Variants in DOCK3 observed in about 807,000 individuals in gnomAD.
DOCK3 encodes the protein dedicator of cytokinesis 3.
A neutral mutation model predicts 265.6 loss-of-function variants in DOCK3; 60 were observed. That is an observed-to-expected ratio of 0.23 (90% confidence interval 0.18 to 0.28). DOCK3 has a LOEUF of 0.28. DOCK3 is among the 10% of genes least tolerant of loss of function. DOCK3 has a pLI of 1.00. For synonymous variants in DOCK3, 881 were observed against 938.0 expected, an observed-to-expected ratio of 0.94 and a Z score of 1.11; for missense variants, 1,981 against 2,594.3, an observed-to-expected ratio of 0.76 and a Z score of 5.14.
intron 5 of DOCK3, among the ~76,000 whole-genome samples, chr3:50,979,516 C>T (rs1206714105): frequency 2.6e-5 from 4 of 152,120 alleles, no homozygotes; most frequent in African/African-American, 4.8e-5. Flanking sequence ...TCCTCCCCTC[C>T]TGCTCTCTTG....
intron 9 of DOCK3, among the ~76,000 whole-genome samples, chr3:51,128,488 C>T (rs2084364961): frequency 6.6e-6 from 1 of 152,214 alleles, no homozygotes; most frequent in Non-Finnish European, 1.5e-5. Flanking sequence ...CACTGCCACA[C>T]TTCTTTAGCC....
chr3:51,232,350 C>G (rs138048616), intron 19 of DOCK3, among the ~76,000 whole-genome samples: 183 of 152,256 alleles, frequency 1.2e-3, no homozygotes, highest in African/African-American at 3.4e-3. Flanking sequence ...GTGCGTGTAT[C>G]TTTTTCATGT....
chr3:50,936,434 A>AT (rs2051365706), intron 5 of DOCK3, among the ~76,000 whole-genome samples: 1 of 151,890 alleles, frequency 6.6e-6, no homozygotes, highest in Non-Finnish European at 1.5e-5. Context: ...TTGGCGGAAG[A>AT]CATAAGTGTT....
chr3:51,272,188 TA>T (rs2080538935), intron 24 of DOCK3, among the ~76,000 whole-genome samples: 1 of 152,188 alleles, frequency 6.6e-6, no homozygotes, highest in Non-Finnish European at 1.5e-5. Context: ...TGTGCTAGGA[TA>T]AACTTCTGAG....
At chr3:50,718,965 T>C (rs2037302784) in intron 1 of DOCK3, among the ~76,000 whole-genome samples, 1 of 151,820 alleles carries the variant, frequency 6.6e-6, no homozygotes, top group Non-Finnish European at 1.5e-5. Context: ...TTGTATTTTT[T>C]AGTAGTGACG....
chr3:51,052,281 G>A (rs544436285), intron 5 of DOCK3, among the ~76,000 whole-genome samples: 2 of 152,120 alleles, frequency 1.3e-5, no homozygotes, highest in Non-Finnish European at 2.9e-5. Flanking sequence ...CAAGGTGGGT[G>A]GATCGCTTGA....
At chr3:51,015,044 T>C (rs975933737) in intron 5 of DOCK3, among the ~76,000 whole-genome samples, 5 of 152,114 alleles carry the variant, frequency 3.3e-5, no homozygotes, top group African/African-American at 1.2e-4. Flanking sequence ...GTGGAGTTTT[T>C]AGGTTTTTCT....
At chr3:50,836,994 A>G (rs886339819) in intron 2 of DOCK3, among the ~76,000 whole-genome samples, 5 of 152,138 alleles carry the variant, frequency 3.3e-5, no homozygotes, top group African/African-American at 1.2e-4. Flanking sequence ...TCCATCTGAG[A>G]CCACCTCAGC....
At chr3:50,872,097 T>C (rs1358520787) in intron 3 of DOCK3, among the ~76,000 whole-genome samples, 5 of 152,232 alleles carry the variant, frequency 3.3e-5, no homozygotes, top group Non-Finnish European at 7.3e-5. Flanking sequence ...TTGATACTTG[T>C]AGAGTTTTGT....
intron 5 of DOCK3, among the ~76,000 whole-genome samples, chr3:51,053,079 A>G (rs2081054267): frequency 1.1e-4 from 1 of 8,998 alleles, no homozygotes; most frequent in South Asian, 3.9e-3. Flanking sequence ...AAAGTCAAAG[A>G]TATATATATA....
At chr3:51,160,223 G>A (rs1405020832) in intron 11 of DOCK3, among the ~76,000 whole-genome samples, 1 of 152,190 alleles carries the variant, frequency 6.6e-6, no homozygotes, top group Non-Finnish European at 1.5e-5. Flanking sequence ...ACATACCTGA[G>A]AAGTTTAAAT....
chr3:50,846,253 G>A (rs2046076834), intron 3 of DOCK3, among the ~76,000 whole-genome samples: 1 of 152,208 alleles, frequency 6.6e-6, no homozygotes, highest in Non-Finnish European at 1.5e-5. Context: ...TTCAGGTACT[G>A]TGGAGTAGAA....
intron 4 of DOCK3, among the ~76,000 whole-genome samples, chr3:50,924,714 A>G (rs2050672282): frequency 6.6e-6 from 1 of 152,220 alleles, no homozygotes; most frequent in African/African-American, 2.4e-5. Flanking sequence ...GTCAGTTCTG[A>G]TTCAGCAGTT....
rs774176659 is a variant in DOCK3, at chr3:51,383,638, TC to T, written c.*2082del. The T allele has an allele frequency of 1.1e-3, 169 of 152,504 alleles. No individual in the cohort carries two copies. The highest frequency in any genetic ancestry group is 0.01 in the Middle Eastern group (3 of 294). 9.4% of individuals were successfully genotyped at this position (152,504 alleles called of 1,614,324 possible). On this transcript the variant is annotated 3_prime_UTR_variant, in exon 53 of 53. Coordinates refer to ENST00000266037, the MANE Select transcript of DOCK3 (RefSeq NM_004947.5). ...TTATGCAAGGTGAAACCGTTTGTTT[TC>T]CCTCTCCATTTTCCCTAACTAAATG... is the stretch of plus-strand genomic sequence containing the variant.
At chr3:51,052,856 GA>G (rs978820074) in intron 5 of DOCK3, among the ~76,000 whole-genome samples, 5 of 151,888 alleles carry the variant, frequency 3.3e-5, no homozygotes, top group African/African-American at 1.2e-4. Flanking sequence ...TCCACTCTAG[GA>G]ATGAGAAGTA....
intron 5 of DOCK3, among the ~76,000 whole-genome samples, chr3:51,007,568 G>A (rs935130466): frequency 1.3e-5 from 2 of 152,166 alleles, no homozygotes; most frequent in Admixed American, 6.5e-5. Flanking sequence ...CATTCTGTAG[G>A]TTGCCTGTTC....
At chr3:50,967,073 TATATA>T (rs1339149175) in intron 5 of DOCK3, among the ~76,000 whole-genome samples, 1 of 152,196 alleles carries the variant, frequency 6.6e-6, no homozygotes, top group Non-Finnish European at 1.5e-5. Flanking sequence ...TATTTTGAAA[TATATA>T]ATATATTGTT....
chr3:50,970,909 AT>A (rs1413404146), intron 5 of DOCK3, among the ~76,000 whole-genome samples: 8 of 54,150 alleles, frequency 1.5e-4, no homozygotes, highest in East Asian at 6.0e-4. Context: ...ATATATATAT[AT>A]ATATATATAT....
intron 15 of DOCK3, 77 bp from the exon 16 acceptor site, chr3:51,227,206 G>C (rs551453741): frequency 6.2e-5 from 95 of 1,529,860 alleles, no homozygotes; most frequent in Non-Finnish European, 8.0e-5. Context: ...ACAAGAGAAA[G>C]AAAAGTGTCC....
Sources: gnomAD v4.1 joint callset for allele counts (sites outside exome capture counted in the v4.1 genomes callset) on GRCh38, gnomAD v4.1.1 for gene constraint, MANE v1.5 for transcripts, NCBI Gene and HGNC (gene_info 2026-07-23, HGNC 2026-07-21) for gene names.